Variants in TANC1 observed in about 807,000 individuals in gnomAD.
The protein encoded by TANC1 is tetratricopeptide repeat, ankyrin repeat and coiled-coil containing 1.
Under a neutral mutation model 149.7 loss-of-function variants are expected in TANC1, and 77 were observed. The ratio of observed to expected loss-of-function variants is 0.51; its 90% CI spans 0.43 to 0.62. TANC1 has a LOEUF of 0.62. TANC1 is among the 20% of genes least tolerant of loss of function. TANC1 has a pLI of 0.00. For synonymous variants in TANC1, 854 were observed against 925.0 expected (o/e 0.92, Z 1.39); for missense variants, 1,985 against 2,321.8 (o/e 0.85, Z 2.98).
At position 159,183,752 on chromosome 2, in the gene TANC1, G is replaced by A. The variant is rs140368093; in HGVS notation, c.2511-2039G>A. On this transcript the variant is annotated intron_variant, in intron 14 of 26. Coordinates refer to ENST00000263635, the MANE Select transcript of TANC1 (RefSeq NM_033394.3). ...TTGTCAGAAACATCACTGAGAGATA[G>A]TGTGGAGAAAGATCCATAAAGAAGG... Among the ~76,000 whole-genome samples the A allele has an allele frequency of 2.8e-3, 422 of 152,246 alleles. 3 individuals are homozygous for A. Among genetic ancestry groups the A allele is most frequent in the African/African-American group, 8.8e-3 (367 of 41,524 alleles).
intron 2 of TANC1, among the ~76,000 whole-genome samples, chr2:159,041,874 G>A (rs139005259): frequency 2.0e-5 from 3 of 152,280 alleles, no homozygotes; most frequent in African/African-American, 7.2e-5. Flanking sequence ...TGTCAGTCAC[G>A]CTGCGGGCTG....
chr2:159,074,661 C>T (rs1206583476), intron 3 of TANC1, among the ~76,000 whole-genome samples: 1 of 152,120 alleles, frequency 6.6e-6, no homozygotes, highest in Non-Finnish European at 1.5e-5. Context: ...AGCTTCTTTC[C>T]AAGTACGAGA....
chr2:159,106,627 G>T (rs191418313), intron 4 of TANC1, among the ~76,000 whole-genome samples: 182 of 152,298 alleles, frequency 1.2e-3, no homozygotes, highest in African/African-American at 4.3e-3. Context: ...ATATAAAGCT[G>T]CAATCAGCTT....
intron 2 of TANC1, chr2:159,003,964 G>C: frequency 6.2e-7 from 1 of 1,612,542 alleles, no homozygotes; most frequent in East Asian, 2.2e-5. Flanking sequence ...AAAAGCTTCA[G>C]AGTTCTCTAA....
chr2:159,112,353 G>C (rs2047813504), intron 4 of TANC1, among the ~76,000 whole-genome samples: 1 of 151,964 alleles, frequency 6.6e-6, no homozygotes, highest in Admixed American at 6.6e-5. Context: ...CCTCACAGGT[G>C]CAAGTGATTC....
chr2:159,026,477 A>G (rs1172299333), intron 2 of TANC1, among the ~76,000 whole-genome samples: 1 of 152,106 alleles, frequency 6.6e-6, no homozygotes, highest in Admixed American at 6.6e-5. Context: ...CCTGCACTCT[A>G]GCCTTTAATT....
chr2:159,172,032 A>G, intron 10 of TANC1, 89 bp from the exon 11 acceptor site: 1 of 1,339,200 alleles, frequency 7.5e-7, no homozygotes, highest in East Asian at 2.3e-5. Flanking sequence ...GCTTATTAAA[A>G]TATGCCCTGG....
chr2:158,990,713 G>T (rs1290889803), intron 1 of TANC1, among the ~76,000 whole-genome samples: 2 of 152,150 alleles, frequency 1.3e-5, no homozygotes, highest in Non-Finnish European at 2.9e-5. Context: ...GAATTCCTAG[G>T]AAATGAGCCT....
rs199579067 is a variant in TANC1 at position 159,016,574 on chromosome 2, A to AT, written c.-16+15391dup. Among the ~76,000 whole-genome samples the AT allele has an allele frequency of 5.6e-3, 833 of 147,528 alleles. 10 individuals are homozygous for AT. Among genetic ancestry groups the AT allele is most frequent in the African/African-American group, 0.017 (661 of 39,774 alleles). The stretch of plus-strand genomic sequence containing the variant: ...TTAGTTTATATGCAGCTTGGTCAAA[A>AT]TTTTTTGTTTTTTTTTTTGAGATGG... On this transcript the variant is annotated intron_variant, in intron 2 of 26. Transcript: ENST00000263635.
chr2:159,030,111 T>C (rs1197192682), intron 2 of TANC1, among the ~76,000 whole-genome samples: 4 of 152,142 alleles, frequency 2.6e-5, no homozygotes, highest in Non-Finnish European at 5.9e-5. Flanking sequence ...TGAGAAGTGT[T>C]GACACTGCTT....
intron 1 of TANC1, among the ~76,000 whole-genome samples, chr2:158,991,663 G>A (rs186326075): frequency 1.1e-4 from 16 of 152,000 alleles, no homozygotes; most frequent in East Asian, 5.8e-4. Context: ...GGAGAATGGC[G>A]TGAACCTGGG....
At chr2:159,106,199 G>T (rs1350212047) in intron 4 of TANC1, among the ~76,000 whole-genome samples, 1 of 151,966 alleles carries the variant, frequency 6.6e-6, no homozygotes, top group Non-Finnish European at 1.5e-5. Flanking sequence ...TTTTCACAGG[G>T]TTGTGCAACC....
At chr2:158,977,658 C>G (rs887010064) in intron 1 of TANC1, among the ~76,000 whole-genome samples, 1 of 150,840 alleles carries the variant, frequency 6.6e-6, no homozygotes, top group Non-Finnish European at 1.5e-5. Context: ...ATCAAAAAAG[C>G]TTTGATACCA....
chr2:159,034,241 A>T (rs535481128), intron 2 of TANC1, among the ~76,000 whole-genome samples: 1 of 152,220 alleles, frequency 6.6e-6, no homozygotes, highest in South Asian at 2.1e-4. Context: ...CACACCTTGC[A>T]CCCACTCCAG....
chr2:159,139,872 T>G (rs1433756012), intron 5 of TANC1, among the ~76,000 whole-genome samples: 1 of 152,148 alleles, frequency 6.6e-6, no homozygotes, highest in Non-Finnish European at 1.5e-5. Context: ...TTTGATACCT[T>G]ATGTTTTTTA....
chr2:159,104,926 A>G (rs1204426923), intron 4 of TANC1, among the ~76,000 whole-genome samples: 1 of 108,912 alleles, frequency 9.2e-6, no homozygotes, highest in African/African-American at 3.0e-5. Flanking sequence ...TTTGTTGTCC[A>G]TTGTTTCAGT....
At chr2:158,998,074 C>A (rs1166730458) in intron 1 of TANC1, among the ~76,000 whole-genome samples, 1 of 152,074 alleles carries the variant, frequency 6.6e-6, no homozygotes, top group Non-Finnish European at 1.5e-5. Flanking sequence ...ACCTGTGCAA[C>A]GTAGCAAGAC....
intron 2 of TANC1, chr2:159,056,757 G>A: frequency 3.0e-6 from 1 of 328,076 alleles, no homozygotes; most frequent in South Asian, 3.3e-5. Flanking sequence ...GCACAAGATG[G>A]CATTGCTCTG....
chr2:159,097,052 C>G (rs1255934559), intron 3 of TANC1, among the ~76,000 whole-genome samples: 1 of 151,972 alleles, frequency 6.6e-6, no homozygotes, highest in African/African-American at 2.4e-5. Context: ...AATAAGTGAG[C>G]AATGTTTCCA....
Sources: allele counts gnomAD v4.1 joint callset (sites outside exome capture counted in the v4.1 genomes callset), GRCh38; gene constraint gnomAD v4.1.1; transcripts MANE v1.5; gene names NCBI Gene and HGNC (gene_info 2026-07-23, HGNC 2026-07-21).